Variants in CARS1 observed in about 807,000 individuals in gnomAD.
CARS1 encodes the protein cysteine--tRNA ligase, cytoplasmic.
CARS1 carries 48 observed loss-of-function variants against 106.2 expected under a neutral mutation model. That is an observed-to-expected ratio of 0.45 (90% CI 0.36 to 0.57). The LOEUF (loss-of-function observed/expected upper bound fraction) is 0.57. Among genes scored for constraint, CARS1 ranks in the 20% least tolerant of loss-of-function variants. CARS1 has a pLI of 0.00. For missense variants in CARS1, 968 were observed against 1,057.2 expected, an observed-to-expected ratio of 0.92 and a Z score of 1.17; for synonymous variants, 409 against 403.4, an observed-to-expected ratio of 1.01 and a Z score of -0.17.
At position 3,028,399 on chromosome 11, in the gene CARS1, A is replaced by C. The variant is rs886844679; in HGVS notation, c.1031+597T>G. ...TGTGTCTTTATTTCTACAATCTCTC[A>C]TCTCCACACATGGGGAGAAAAACCC... On this transcript the variant is annotated intron_variant, in intron 9 of 22. Coordinates refer to ENST00000380525, the MANE Select transcript of CARS1 (RefSeq NM_001014437.3). The surrounding 1 kb of genome is among the most constrained non-coding windows in gnomAD (Gnocchi z 4.4). 2.1e-5 allele frequency: 7 copies of C among 334,376 alleles called. No homozygotes were observed. Among genetic ancestry groups the C allele is most frequent in the Non-Finnish European group, 3.8e-5 (7 of 182,486 alleles). The allele number at this position is 334,376 out of a possible 1,614,324, so 20.7% of individuals were successfully genotyped here. A position where few individuals can be genotyped will look rare whatever the true frequency, so the allele number is the denominator to read the frequency against.
chr11:3,017,301 C>A lies in CARS1; in HGVS notation c.1728-6G>T. ...CTGTCTTCTTGTCATAAAAGCTGAG[C>A]AACAAAGAGGAAGGAATGTGAAGTC... On this transcript the variant is annotated splice_polypyrimidine_tract_variant and splice_region_variant and intron_variant, in intron 15 of 22. Coordinates refer to ENST00000380525, the MANE Select transcript of CARS1 (RefSeq NM_001014437.3). The surrounding 1 kb of genome is among the most constrained non-coding windows in gnomAD (Gnocchi z 4.9). 6.2e-7 allele frequency: 1 copy of A among 1,609,738 alleles called. No homozygotes were observed. The highest frequency in any genetic ancestry group is 1.3e-5 in the African/African-American group (1 of 74,942).
intron 16 of CARS1, among the ~76,000 whole-genome samples, chr11:3,016,286 T>G (rs1177736090): frequency 6.6e-6 from 1 of 150,964 alleles, no homozygotes; most frequent in Non-Finnish European, 1.5e-5. Flanking sequence ...AATGGCGCAA[T>G]CTTGGCTCAC....
chr11:3,031,168 TA>T (rs1799710426), intron 7 of CARS1: 1 of 152,152 alleles, frequency 6.6e-6, no homozygotes, highest in Non-Finnish European at 1.5e-5. Context: ...ATAGGATAAG[TA>T]AAAACAAATC....
chr11:3,039,581 C>A lies in CARS1; in HGVS notation c.552+254G>T, dbSNP rs1045822799. 1.3e-5 allele frequency among the ~76,000 whole-genome samples: 2 copies of A among 152,206 alleles called. No individual in the cohort carries two copies. The highest frequency in any genetic ancestry group is 2.9e-5 in the Non-Finnish European group (2 of 68,032). On this transcript the variant is annotated intron_variant, in intron 5 of 22. Transcript: ENST00000380525. This position sits in a 1 kb window ranked among gnomAD's most constrained non-coding sequence, Gnocchi z 5.6. ...ATGTCGAAGTGCGTGCTGTGGGAGG[C>A]CTTCCTTCTGCAAAACACCCAGGGC...
At chr11:3,016,158 C>A (rs1193589648) in intron 16 of CARS1, among the ~76,000 whole-genome samples, 1 of 151,848 alleles carries the variant, frequency 6.6e-6, no homozygotes, top group Admixed American at 6.5e-5. Flanking sequence ...TCAAGGTGCA[C>A]TGCGGGGAAG....
intron 10 of CARS1, among the ~76,000 whole-genome samples, chr11:3,026,356 T>C (rs1457503559): frequency 2.0e-5 from 3 of 152,188 alleles, no homozygotes; most frequent in Non-Finnish European, 4.4e-5. Context: ...ACATTCCCAA[T>C]GCAAAGAAAA....
At chr11:3,033,846 C>T (rs757567653) in intron 7 of CARS1, among the ~76,000 whole-genome samples, 24 of 152,206 alleles carry the variant, frequency 1.6e-4, no homozygotes, top group Non-Finnish European at 2.9e-4. Flanking sequence ...ACACACCTAA[C>T]GACAAAACCA....
Position 3,001,010 on chromosome 11 carries a change from A to T in CARS1, c.*104T>A. ...ACATGAACACAACTCTTAATTTAGG[A>T]CCCAAGGGTGACTGTAAACATGATA... is the stretch of plus-strand genomic sequence containing the variant. On this transcript the variant is annotated 3_prime_UTR_variant, in exon 23 of 23. Coordinates refer to ENST00000380525, the MANE Select transcript of CARS1 (RefSeq NM_001014437.3). The T allele has an allele frequency of 7.7e-7, 1 of 1,304,170 alleles. No individual in the cohort carries two copies. The highest frequency in any genetic ancestry group is 1.1e-6 in the Non-Finnish European group (1 of 922,384). The allele number at this position is 1,304,170 out of a possible 1,614,324, so 80.8% of individuals were successfully genotyped here.
Position 3,050,819 on chromosome 11 carries a change from G to GA in CARS1, c.26-2819_26-2818insT, listed in dbSNP as rs1214671181. Among the ~76,000 whole-genome samples, 1 of 152,164 alleles carries GA rather than the reference G, an allele frequency of 6.6e-6. No individual in the cohort carries two copies. On this transcript the variant is annotated intron_variant, in intron 1 of 22. Transcript: ENST00000380525. The surrounding 1 kb of genome is among the most constrained non-coding windows in gnomAD (Gnocchi z 6.3). ...GTCTTCAAGGACTCCCTGTCCATATGGCGCCCGCCTCTAGACCCTGAGCCT... is the reference window on the plus strand; with the variant it reads ...GTCTTCAAGGACTCCCTGTCCATATGAGCGCCCGCCTCTAGACCCTGAGCCT...
chr11:3,002,118 G>C lies in CARS1; in HGVS notation c.2278-65C>G, dbSNP rs1379424793. On this transcript the variant is annotated intron_variant, in intron 21 of 22. Coordinates refer to ENST00000380525, the MANE Select transcript of CARS1 (RefSeq NM_001014437.3). ...GCACCTGGGGCTCCGCACTGTGAAC[G>C]ACATCTGCTCATACCTCCAGCCCTC... is the stretch of plus-strand genomic sequence containing the variant. 2.8e-6 allele frequency: 3 copies of C among 1,061,982 alleles called. No individual in the cohort carries two copies. In the African/African-American group the frequency reaches 4.7e-5, roughly 17 times the overall value. 65.8% of individuals were successfully genotyped at this position (1,061,982 alleles called of 1,614,324 possible). A position where few individuals can be genotyped will look rare whatever the true frequency, so the allele number is the denominator to read the frequency against.
At chr11:3,005,509 C>T in intron 19 of CARS1, 76 bp from the exon 20 acceptor site, 2 of 1,140,906 alleles carry the variant, frequency 1.8e-6, no homozygotes, top group Non-Finnish European at 2.6e-6. Flanking sequence ...CCTGCCCTGC[C>T]CTGCCCTGCC....
chr11:3,057,322 T>G, intron 1 of CARS1, 21 bp downstream of exon 1: 1 of 1,606,194 alleles, frequency 6.2e-7, no homozygotes. Flanking sequence ...GCCCTCAGCC[T>G]GGCCCGGCCG....
intron 2 of CARS1, among the ~76,000 whole-genome samples, chr11:3,042,549 T>C (rs895432137): frequency 2.0e-5 from 3 of 152,132 alleles, no homozygotes; most frequent in East Asian, 3.9e-4. Context: ...CTTTCTAATA[T>C]TCTGTATGGC....
intron 19 of CARS1, among the ~76,000 whole-genome samples, chr11:3,006,077 AC>A (rs1344988529): frequency 2.0e-5 from 3 of 152,236 alleles, no homozygotes; most frequent in Non-Finnish European, 4.4e-5. Context: ...CATCTCAGTT[AC>A]CTAGATTTGA....
At position 3,039,972 on chromosome 11, in the gene CARS1, A is replaced by G. The variant is rs2134252916; in HGVS notation, c.456-41T>C. ...AACAAACATTTCCACACCAGACGAT[A>G]TGTATAGCTTAACCTCCAACAACAC... On this transcript the variant is annotated intron_variant, in intron 4 of 22. Coordinates refer to ENST00000380525, the MANE Select transcript of CARS1 (RefSeq NM_001014437.3). This position sits in a 1 kb window ranked among gnomAD's most constrained non-coding sequence, Gnocchi z 5.6. 9.6e-7 allele frequency: 1 copy of G among 1,042,602 alleles called. No homozygotes were observed. Among genetic ancestry groups the G allele is most frequent in the East Asian group, 2.5e-5 (1 of 40,654 alleles). The allele number at this position is 1,042,602 out of a possible 1,614,324, so 64.6% of individuals were successfully genotyped here.
chr11:3,011,273 T>C (rs1252852776), intron 18 of CARS1, among the ~76,000 whole-genome samples: 2 of 152,158 alleles, frequency 1.3e-5, no homozygotes, highest in East Asian at 3.8e-4. Flanking sequence ...ATTCAGCACT[T>C]TCTAAGTCTT....
Position 3,020,977 on chromosome 11 carries a change from T to A in CARS1, c.1154-645A>T, listed in dbSNP as rs1851517697. Among the ~76,000 whole-genome samples the A allele has an allele frequency of 6.6e-6, 1 of 152,184 alleles. No homozygotes were observed. Among genetic ancestry groups the A allele is most frequent in the African/African-American group, 2.4e-5 (1 of 41,434 alleles). ...AGTACTGCTCTTGGCACAAGTTCTA[T>A]TTCCTGGACAAAGCCAATGATCACC... On this transcript the variant is annotated intron_variant, in intron 10 of 22. Coordinates refer to ENST00000380525, the MANE Select transcript of CARS1 (RefSeq NM_001014437.3). This position sits in a 1 kb window ranked among gnomAD's most constrained non-coding sequence, Gnocchi z 4.6.
At chr11:3,011,932 C>T (rs1452569659) in intron 18 of CARS1, among the ~76,000 whole-genome samples, 2 of 152,340 alleles carry the variant, frequency 1.3e-5, no homozygotes, top group East Asian at 3.9e-4. Flanking sequence ...ATCACATCCT[C>T]GGTCCCCACT....
Position 3,038,281 on chromosome 11 carries a change from C to G in CARS1, c.652-82G>C. On this transcript the variant is annotated intron_variant, in intron 6 of 22. Coordinates refer to ENST00000380525, the MANE Select transcript of CARS1 (RefSeq NM_001014437.3). The surrounding 1 kb of genome is among the most constrained non-coding windows in gnomAD (Gnocchi z 4.0). ...CATAAAGGTGATTCCAGGTAGAAAA[C>G]AGAACGGTTTTTCCCATGGCCCCAT... 1 of 1,364,388 alleles carries G rather than the reference C, an allele frequency of 7.3e-7. No homozygotes were observed. The highest frequency in any genetic ancestry group is 1.0e-6 in the Non-Finnish European group (1 of 970,874). 84.5% of individuals were successfully genotyped at this position (1,364,388 alleles called of 1,614,324 possible).
Sources: gnomAD v4.1 joint callset for allele counts (sites outside exome capture counted in the v4.1 genomes callset) on GRCh38, gnomAD v4.1.1 for gene constraint, Gnocchi (gnomAD v3.1) non-coding constraint, MANE v1.5 for transcripts, NCBI Gene and HGNC (gene_info 2026-07-23, HGNC 2026-07-21) for gene names.